SMAD3: variants seen among roughly 807,000 people sequenced by gnomAD.
SMAD3 encodes the protein SMAD family member 3.
SMAD3 carries 12 observed loss-of-function variants against 51.8 expected under a neutral mutation model. That is an observed-to-expected ratio of 0.23 (90% CI 0.15 to 0.38). The LOEUF (loss-of-function observed/expected upper bound fraction) is 0.38. Ranked by LOEUF, SMAD3 falls within the 10% of genes least tolerant of loss-of-function variation. SMAD3 has a pLI of 1.00. For synonymous variants in SMAD3, 238 were observed against 227.7 expected (o/e 1.05, Z -0.41); for missense variants, 294 against 565.6 (o/e 0.52, Z 4.87).
chr15:67,161,007 G>T, intron 1 of SMAD3, among the ~76,000 whole-genome samples: 1 of 151,822 alleles, frequency 6.6e-6, no homozygotes, highest in Admixed American at 6.6e-5. Flanking sequence ...TTTTGGTGTG[G>T]TATCTGAGAA....
At chr15:67,076,512 G>C (rs1219329542) in intron 1 of SMAD3, among the ~76,000 whole-genome samples, 1 of 152,186 alleles carries the variant, frequency 6.6e-6, no homozygotes, top group African/African-American at 2.4e-5. Flanking sequence ...TTACTGGTTA[G>C]GTGGGCTGTT....
chr15:67,069,743 G>C (rs1031374082), intron 1 of SMAD3, among the ~76,000 whole-genome samples: 4 of 151,922 alleles, frequency 2.6e-5, no homozygotes, highest in Middle Eastern at 3.4e-3. Context: ...GTCTTGCCTT[G>C]TTGCCCAGGC....
chr15:67,125,307 T>C (rs1413153665), intron 1 of SMAD3, among the ~76,000 whole-genome samples: 3 of 152,248 alleles, frequency 2.0e-5, no homozygotes, highest in African/African-American at 4.8e-5. Flanking sequence ...GGCTCCAGTG[T>C]GTGTACGGAG....
chr15:67,121,777 T>C (rs1595911697), intron 1 of SMAD3, among the ~76,000 whole-genome samples: 1 of 151,898 alleles, frequency 6.6e-6, no homozygotes, highest in East Asian at 1.9e-4. Flanking sequence ...GAAATTTTGC[T>C]TAAAAAAAAA....
chr15:67,166,849 C>G lies in SMAD3; in HGVS notation c.603C>G (p.Asp201Glu). 1 of 1,589,004 alleles carries G rather than the reference C, an allele frequency of 6.3e-7. No homozygotes were observed. Among genetic ancestry groups the G allele is most frequent in the South Asian group, 1.2e-5 (1 of 86,826 alleles). The part of the protein sequence containing the change: ...TSDHQMNHSM[D>E]AGSPNLSPNP... ...ACCACCAGATGAACCACAGCATGGACGCAGGTCAGTCATGCAGGGTCATGC... is the reference window on the plus strand; with the variant it reads ...ACCACCAGATGAACCACAGCATGGAGGCAGGTCAGTCATGCAGGGTCATGC... The change falls in exon 4 of 9, where the codon GAC becomes GAG. Residue 201 changes from aspartate (D) to glutamate (E), a missense_variant. Transcript: ENST00000327367.
chr15:67,106,970 A>G (rs934626118), intron 1 of SMAD3, among the ~76,000 whole-genome samples: 58 of 152,086 alleles, frequency 3.8e-4, no homozygotes, highest in African/African-American at 1.3e-3. Context: ...GTAGCTTTCC[A>G]GGGAGTCCAA....
chr15:67,088,850 C>T (rs971691323), intron 1 of SMAD3, among the ~76,000 whole-genome samples: 2 of 152,114 alleles, frequency 1.3e-5, no homozygotes, highest in Non-Finnish European at 2.9e-5. Context: ...TCACTTGAAC[C>T]CAGGAGGCAG....
chr15:67,092,049 C>A (rs371867382), intron 1 of SMAD3, among the ~76,000 whole-genome samples: 13 of 152,156 alleles, frequency 8.5e-5, no homozygotes, highest in African/African-American at 2.7e-4. Flanking sequence ...CTAAAATTGC[C>A]GACCCAAGGT....
chr15:67,159,620 A>C (rs547214479), intron 1 of SMAD3, among the ~76,000 whole-genome samples: 2 of 152,252 alleles, frequency 1.3e-5, no homozygotes, highest in Admixed American at 6.5e-5. Context: ...CTTTACCCCC[A>C]AAAAAGTTTC....
chr15:67,071,823 A>G (rs926279433), intron 1 of SMAD3, among the ~76,000 whole-genome samples: 1 of 152,082 alleles, frequency 6.6e-6, no homozygotes, highest in African/African-American at 2.4e-5. Flanking sequence ...AAATAAATAA[A>G]TAAATAAATG....
In SMAD3 at chr15:67,103,208, A is replaced by G. The variant is rs956526773; in HGVS notation, c.206+36848A>G. Among the ~76,000 whole-genome samples the G allele has an allele frequency of 2.0e-5, 3 of 152,178 alleles. No individual in the cohort carries two copies. The East Asian group carries it at 5.8e-4, about 29-fold the overall frequency. ...TCTTAACTCCTTGCCCCTGCCTCCC[A>G]TCACCCCAGTGGAAGAGTTATAGTC... On this transcript the variant is annotated intron_variant, in intron 1 of 8. Coordinates refer to ENST00000327367, the MANE Select transcript of SMAD3 (RefSeq NM_005902.4).
At chr15:67,075,953 T>C (rs1382894559) in intron 1 of SMAD3, among the ~76,000 whole-genome samples, 3 of 151,890 alleles carry the variant, frequency 2.0e-5, no homozygotes, top group African/African-American at 7.3e-5. Context: ...ATAAGATGTA[T>C]CAAGTACTTT....
chr15:67,116,274 G>A (rs931593377), intron 1 of SMAD3, among the ~76,000 whole-genome samples: 3 of 152,158 alleles, frequency 2.0e-5, no homozygotes, highest in Admixed American at 6.5e-5. Context: ...GCACATCCTG[G>A]CCATCCACAT....
chr15:67,112,877 G>A (rs1214352921), intron 1 of SMAD3, among the ~76,000 whole-genome samples: 1 of 130,240 alleles, frequency 7.7e-6, no homozygotes, highest in Non-Finnish European at 1.6e-5. Context: ...AGATGTCCAT[G>A]CACTGTTTGT....
intron 1 of SMAD3, among the ~76,000 whole-genome samples, chr15:67,136,754 T>C (rs1961673918): frequency 6.6e-6 from 1 of 152,132 alleles, no homozygotes; most frequent in Non-Finnish European, 1.5e-5. Context: ...AAGTAAAGAG[T>C]GAAATTGCTG....
chr15:67,072,574 C>A (rs7163797), intron 1 of SMAD3, among the ~76,000 whole-genome samples: 70,276 of 152,064 alleles, frequency 0.46, 16,557 homozygotes, highest in South Asian at 0.66. Flanking sequence ...CCCCAAATCC[C>A]CATCTCATAG....
chr15:67,117,518 A>T (rs1961162065), intron 1 of SMAD3, among the ~76,000 whole-genome samples: 1 of 151,926 alleles, frequency 6.6e-6, no homozygotes, highest in Non-Finnish European at 1.5e-5. Context: ...TCTCCTTTTG[A>T]TCATGAGGAA....
chr15:67,110,124 T>C (rs920425368), intron 1 of SMAD3, among the ~76,000 whole-genome samples: 1 of 152,352 alleles, frequency 6.6e-6, no homozygotes, highest in African/African-American at 2.4e-5. Context: ...AGGTCGTCAG[T>C]GAATGAAATA....
At chr15:67,092,235 AG>A in intron 1 of SMAD3, among the ~76,000 whole-genome samples, 1 of 152,362 alleles carries the variant, frequency 6.6e-6, no homozygotes, top group Middle Eastern at 3.4e-3. Context: ...GGGATGGATC[AG>A]AGGGCAAACT....
Sources: gnomAD v4.1 joint callset for allele counts (sites outside exome capture counted in the v4.1 genomes callset) on GRCh38, gnomAD v4.1.1 for gene constraint, MANE v1.5 for transcripts, NCBI Gene and HGNC (gene_info 2026-07-23, HGNC 2026-07-21) for gene names.